The following FRAS1 variants were observed in gnomAD, a reference collection of about 807,000 sequenced individuals.
FRAS1 encodes extracellular matrix organizing protein FRAS1.
A neutral mutation model predicts 435.2 loss-of-function variants in FRAS1; 290 were observed. The ratio of observed to expected loss-of-function variants is 0.67; its 90% confidence interval spans 0.61 to 0.73. The LOEUF (loss-of-function observed/expected upper bound fraction) is 0.73. Ranked by LOEUF, FRAS1 falls within the 30% of genes least tolerant of loss-of-function variation. The pLI is 0.00. For missense variants in FRAS1, 4,860 were observed against 5,001.5 expected (o/e 0.97, Z 0.85); for synonymous variants, 1,800 against 1,851.0 (o/e 0.97, Z 0.71).
chr4:78,184,383 A>T (rs1245754810), intron 2 of FRAS1, among the ~76,000 whole-genome samples: 2 of 152,236 alleles, frequency 1.3e-5, no homozygotes, highest in Non-Finnish European at 2.9e-5. Context: ...CTGAAATTTG[A>T]ATTACATAAA....
At chr4:78,113,471 ACAT>A (rs1254026713) in intron 2 of FRAS1, among the ~76,000 whole-genome samples, 1 of 152,146 alleles carries the variant, frequency 6.6e-6, no homozygotes, top group Non-Finnish European at 1.5e-5. Flanking sequence ...CTATTTCTCC[ACAT>A]CCTCTCCAGC....
intron 38 of FRAS1, 106 bp from the exon 39 acceptor site, chr4:78,438,464 A>C (rs1734514443): frequency 9.3e-7 from 1 of 1,080,632 alleles, no homozygotes; most frequent in African/African-American, 1.6e-5. Context: ...AGAGAAAGAG[A>C]CTTTTCCAAT....
At chr4:78,095,613 T>A (rs1289201954) in intron 2 of FRAS1, among the ~76,000 whole-genome samples, 3 of 152,194 alleles carry the variant, frequency 2.0e-5, no homozygotes, top group Non-Finnish European at 2.9e-5. Flanking sequence ...GTCCTCACAA[T>A]CATGGCGGAA....
chr4:78,299,192 T>C (rs965900220), intron 14 of FRAS1, among the ~76,000 whole-genome samples: 2 of 152,142 alleles, frequency 1.3e-5, no homozygotes, highest in Admixed American at 6.5e-5. Flanking sequence ...CAAGGGGAGA[T>C]AGTGGAAGAT....
At chr4:78,363,741 C>G (rs1731165360) in intron 21 of FRAS1, 76 bp downstream of exon 21, 1 of 1,500,786 alleles carries the variant, frequency 6.7e-7, no homozygotes, top group East Asian at 2.4e-5. Flanking sequence ...AAGGATCAAC[C>G]TTTCCTAAGA....
At chr4:78,532,246 C>A (rs143315320) in intron 70 of FRAS1, among the ~76,000 whole-genome samples, 182 of 152,262 alleles carry the variant, frequency 1.2e-3, no homozygotes, top group African/African-American at 4.1e-3. Flanking sequence ...CACACTCTTA[C>A]CCCAGACCTT....
intron 47 of FRAS1, among the ~76,000 whole-genome samples, chr4:78,455,426 G>GGT (rs1553962068): frequency 6.7e-6 from 1 of 149,934 alleles, no homozygotes. Context: ...GAGGAGGGAG[G>GGT]GGGTTCTGTT....
chr4:78,401,685 C>T (rs938556946), intron 30 of FRAS1, among the ~76,000 whole-genome samples: 1 of 148,614 alleles, frequency 6.7e-6, no homozygotes, highest in Middle Eastern at 3.2e-3. Flanking sequence ...AGCACAGAGA[C>T]ATGGCAGAGA....
chr4:78,257,476 T>C (rs1312071801), intron 6 of FRAS1, among the ~76,000 whole-genome samples: 1 of 152,226 alleles, frequency 6.6e-6, no homozygotes, highest in Non-Finnish European at 1.5e-5. Context: ...AAATGTATTT[T>C]CAGGTCTTGA....
intron 18 of FRAS1, among the ~76,000 whole-genome samples, chr4:78,324,477 C>CATACATGTGG (rs1041464674): frequency 6.6e-6 from 1 of 152,118 alleles, no homozygotes; most frequent in Non-Finnish European, 1.5e-5. Flanking sequence ...CACGAACACA[C>CATACATGTGG]ATACATGTGG....
Position 78,331,597 on chromosome 4 carries a change from C to T in FRAS1, c.2138-1675C>T, listed in dbSNP as rs114537116. Among the ~76,000 whole-genome samples, 508 of 152,260 alleles carry T rather than the reference C, an allele frequency of 3.3e-3. 2 individuals carry two copies. The highest frequency in any genetic ancestry group is 0.012 in the African/African-American group (488 of 41,532). ...ATTAGGGGTTGGTGGCAATGGAGAT[C>T]TCAGTGGTGAAAAATCACTTCTGGT... On this transcript the variant is annotated intron_variant, in intron 18 of 73. Coordinates refer to ENST00000512123, the MANE Select transcript of FRAS1 (RefSeq NM_025074.7).
At chr4:78,254,078 C>G (rs900245001) in intron 5 of FRAS1, among the ~76,000 whole-genome samples, 6 of 151,726 alleles carry the variant, frequency 4.0e-5, no homozygotes, top group African/African-American at 1.2e-4. Flanking sequence ...ACCAAGACAC[C>G]CAGATTTTGT....
chr4:78,209,901 C>G (rs1723431017), intron 2 of FRAS1, among the ~76,000 whole-genome samples: 2 of 152,212 alleles, frequency 1.3e-5, no homozygotes, highest in African/African-American at 2.4e-5. Context: ...GCCAGAACAG[C>G]CCGTTGACTC....
At chr4:78,312,436 G>A (rs1239015176) in intron 15 of FRAS1, among the ~76,000 whole-genome samples, 3 of 151,768 alleles carry the variant, frequency 2.0e-5, no homozygotes, top group Non-Finnish European at 4.4e-5. Context: ...TTTGTAGTAT[G>A]TCTCAATATC....
intron 14 of FRAS1, among the ~76,000 whole-genome samples, chr4:78,292,610 G>T (rs1466711836): frequency 6.6e-6 from 1 of 152,170 alleles, no homozygotes. Context: ...TCCAACACAT[G>T]ACTTATCCCA....
intron 26 of FRAS1, among the ~76,000 whole-genome samples, chr4:78,378,938 T>C (rs1162535740): frequency 6.6e-6 from 1 of 152,144 alleles, no homozygotes; most frequent in Admixed American, 6.6e-5. Flanking sequence ...GAAAGCATTG[T>C]CTACTTCAAA....
intron 16 of FRAS1, among the ~76,000 whole-genome samples, chr4:78,316,891 C>T (rs1361321365): frequency 1.3e-5 from 2 of 152,142 alleles, no homozygotes; most frequent in African/African-American, 4.8e-5. Flanking sequence ...GCTCAAAATG[C>T]CAGTGCTTCC....
chr4:78,168,376 G>T (rs114006332), intron 2 of FRAS1, among the ~76,000 whole-genome samples: 1 of 152,146 alleles, frequency 6.6e-6, no homozygotes, highest in African/African-American at 2.4e-5. Flanking sequence ...GAGGACAAAA[G>T]ATGTTTTTTT....
At chr4:78,515,752 G>A (rs1578368749) in intron 65 of FRAS1, 47 bp from the exon 66 acceptor site, 3 of 1,572,310 alleles carry the variant, frequency 1.9e-6, no homozygotes, top group Non-Finnish European at 2.6e-6. Context: ...CTGCTCCTTG[G>A]CATCCACAAA....
Sources: gnomAD v4.1 joint callset for allele counts (sites outside exome capture counted in the v4.1 genomes callset) on GRCh38, gnomAD v4.1.1 for gene constraint, MANE v1.5 for transcripts, NCBI Gene and HGNC (gene_info 2026-07-23, HGNC 2026-07-21) for gene names.